The following ZNF562 variants were observed in gnomAD, a reference collection of about 807,000 sequenced individuals.
ZNF562 encodes zinc finger protein 562.
A neutral mutation model predicts 17.5 loss-of-function variants in ZNF562; 13 were observed. The ratio of observed to expected loss-of-function variants is 0.74; its 90% CI spans 0.48 to 1.18. ZNF562 has a LOEUF of 1.18. Among genes scored for constraint, ZNF562 ranks in the 50% most tolerant of loss-of-function variants. The pLI is 0.00. For missense variants in ZNF562, 481 were observed against 498.5 expected (o/e 0.96, Z 0.33); for synonymous variants, 163 against 165.4 (o/e 0.99, Z 0.11).
chr19:9,662,561 CAA>C (rs924820513), intron 1 of ZNF562, among the ~76,000 whole-genome samples: 9 of 116,950 alleles, frequency 7.7e-5, no homozygotes, highest in Non-Finnish European at 7.3e-5. Flanking sequence ...GACTCCATCT[CAA>C]AAAAAAAAAA....
intron 2 of ZNF562, 46 bp downstream of exon 2, chr19:9,660,674 C>A: frequency 6.2e-7 from 1 of 1,601,086 alleles, no homozygotes; most frequent in Non-Finnish European, 8.5e-7. Flanking sequence ...TTGTGGAGGG[C>A]GACCTAAAGC....
rs965420743 is a variant in ZNF562 at position 9,645,699 on chromosome 19, C to G, written c.*7250G>C. On this transcript the variant is annotated 3_prime_UTR_variant, in exon 6 of 6. Transcript: ENST00000453372. ...TCAAGGAGCCTATTCTTTCTGCCAC[C>G]AGATCTGTCTAATAGCTTGTGTGAC... is the stretch of plus-strand genomic sequence containing the variant. The G allele has an allele frequency of 6.6e-6, 1 of 152,196 alleles. No individual in the cohort carries two copies. Among genetic ancestry groups the G allele is most frequent in the Non-Finnish European group, 1.5e-5 (1 of 68,042 alleles). 9.4% of individuals were successfully genotyped at this position (152,196 alleles called of 1,614,324 possible).
intron 1 of ZNF562, among the ~76,000 whole-genome samples, chr19:9,667,867 T>A (rs2044011562): frequency 6.6e-6 from 1 of 152,090 alleles, no homozygotes; most frequent in African/African-American, 2.4e-5. Context: ...AGTGCTGGGA[T>A]TACAGGCATG....
intron 3 of ZNF562, among the ~76,000 whole-genome samples, chr19:9,658,768 TTATCTATCTAGCATC>T (rs1237649611): frequency 8.5e-5 from 13 of 152,188 alleles, no homozygotes; most frequent in Non-Finnish European, 1.5e-5. Context: ...ACATTAATTT[TTATCTATCTAGCATC>T]TATCTATCTA....
At position 9,642,486 on chromosome 19, in the gene ZNF562, A is replaced by C. The variant is rs2074778794; in HGVS notation, c.*10463T>G. The C allele has an allele frequency of 6.6e-6, 1 of 151,990 alleles. No individual in the cohort carries two copies. Among genetic ancestry groups the C allele is most frequent in the African/African-American group, 2.4e-5 (1 of 41,368 alleles). The allele number at this position is 151,990 out of a possible 1,614,324, so 9.4% of individuals were successfully genotyped here. On this transcript the variant is annotated 3_prime_UTR_variant, in exon 6 of 6. Coordinates refer to ENST00000453372, the MANE Select transcript of ZNF562 (RefSeq NM_001130031.2). ...GAGAAGAGATCTCTCTATGTTGCCT[A>C]GGCTGCCCTCAAACTCCTGAGCTCA...
At chr19:9,662,990 A>G (rs1327373859) in intron 1 of ZNF562, among the ~76,000 whole-genome samples, 1 of 151,698 alleles carries the variant, frequency 6.6e-6, no homozygotes, top group African/African-American at 2.4e-5. Flanking sequence ...GATGTGAGCC[A>G]CTGCGCCTGG....
At chr19:9,661,839 C>G (rs756695812) in intron 1 of ZNF562, among the ~76,000 whole-genome samples, 1 of 152,126 alleles carries the variant, frequency 6.6e-6, no homozygotes, top group Non-Finnish European at 1.5e-5. Flanking sequence ...GGGGTTTCAT[C>G]ATATTGGCCA....
At chr19:9,667,891 A>C (rs1330351636) in intron 1 of ZNF562, among the ~76,000 whole-genome samples, 1 of 152,120 alleles carries the variant, frequency 6.6e-6, no homozygotes, top group African/African-American at 2.4e-5. Context: ...CACCATGCTC[A>C]GCTGACATAA....
chr19:9,664,925 TA>T (rs1393326683), intron 1 of ZNF562, among the ~76,000 whole-genome samples: 1 of 151,984 alleles, frequency 6.6e-6, no homozygotes, highest in Non-Finnish European at 1.5e-5. Context: ...ACATGTGCTT[TA>T]AAAAACAGCT....
At chr19:9,672,650 T>C (rs993584921) in intron 1 of ZNF562, among the ~76,000 whole-genome samples, 11 of 152,140 alleles carry the variant, frequency 7.2e-5, no homozygotes, top group Non-Finnish European at 1.5e-4. Context: ...TAAATAATTC[T>C]AGTGTCAGTG....
At position 9,650,954 on chromosome 19, in the gene ZNF562, CAAAAAAAAAAAAAAAAA is replaced by C. The variant is rs74178208; in HGVS notation, c.*1978_*1994del. The C allele has an allele frequency of 2.2e-5, 1 of 46,284 alleles. No individual in the cohort carries two copies. The highest frequency in any genetic ancestry group is 4.5e-5 in the Non-Finnish European group (1 of 22,090). 2.9% of individuals were successfully genotyped at this position (46,284 alleles called of 1,614,324 possible). ...GGGCAACAAGAGCAAAACTCCATCT[CAAAAAAAAAAAAAAAAA>C]AAAAAAAAAAATCCTGTGTTTTTAA... On this transcript the variant is annotated 3_prime_UTR_variant, in exon 6 of 6. Coordinates refer to ENST00000453372, the MANE Select transcript of ZNF562 (RefSeq NM_001130031.2).
rs370682420 is a variant in ZNF562, at chr19:9,653,441, C to T, written c.789G>A (p.Lys263=). Residue 263 remains lysine (K), a synonymous_variant, in exon 6 of 6, where the codon AAG becomes AAA. Transcript: ENST00000453372. ...AATTAGTGAAGGATTTCCCACAGTT[C>T]TTAGTCTTTTCGGATTTCTTTCCAG... The part of the protein sequence containing the change: ...VHTGKKSEKT[K]NCGKSFTNFS... 1 of 1,614,022 alleles carries T rather than the reference C, an allele frequency of 6.2e-7. No homozygotes were observed. The highest frequency in any genetic ancestry group is 1.3e-5 in the African/African-American group (1 of 74,934).
At chr19:9,663,248 C>CAA (rs59452070) in intron 1 of ZNF562, among the ~76,000 whole-genome samples, 5 of 129,958 alleles carry the variant, frequency 3.8e-5, no homozygotes, top group East Asian at 2.3e-4. Flanking sequence ...ACTAAAAATA[C>CAA]AAAAAAAAAA....
At chr19:9,669,203 C>T (rs2044055424) in intron 1 of ZNF562, among the ~76,000 whole-genome samples, 1 of 152,040 alleles carries the variant, frequency 6.6e-6, no homozygotes, top group Admixed American at 6.6e-5. Flanking sequence ...AAAATATTTA[C>T]AAACTATCCA....
chr19:9,669,730 GCGCGCACACACACA>G (rs1197026334), intron 1 of ZNF562, among the ~76,000 whole-genome samples: 12 of 86,944 alleles, frequency 1.4e-4, no homozygotes, highest in African/African-American at 3.2e-4. Context: ...GCGCGCGCGC[GCGCGCACACACACA>G]CACACACACA....
intron 2 of ZNF562, among the ~76,000 whole-genome samples, chr19:9,659,804 C>T (rs2043653171): frequency 1.3e-5 from 2 of 151,420 alleles, no homozygotes; most frequent in Admixed American, 1.3e-4. Context: ...TCTAAAACAG[C>T]ATTCTGACTG....
chr19:9,657,318 C>A (rs1224888212), intron 4 of ZNF562, among the ~76,000 whole-genome samples: 2 of 148,108 alleles, frequency 1.4e-5, no homozygotes, highest in Admixed American at 6.8e-5. Flanking sequence ...GGCAAGAACC[C>A]GGGAGGCAGA....
intron 1 of ZNF562, among the ~76,000 whole-genome samples, chr19:9,669,728 GCGCGCGCACACACACACACACACACA>G (rs1568281870): frequency 3.5e-5 from 3 of 84,808 alleles, no homozygotes; most frequent in African/African-American, 1.4e-4. Flanking sequence ...GCGCGCGCGC[GCGCGCGCACACACACACACACACACA>G]CACACACACA....
chr19:9,663,643 G>A lies in ZNF562; in HGVS notation c.-130-2769C>T, dbSNP rs556086368. On this transcript the variant is annotated intron_variant, in intron 1 of 5. Transcript: ENST00000453372. ...CGCCCAGGCTAGACTGCAGTAGCAC[G>A]ATTGCCACCACTGTAGCTATTGTTC... Among the ~76,000 whole-genome samples the A allele has an allele frequency of 2.0e-5, 3 of 151,954 alleles. No individual in the cohort carries two copies. The East Asian group carries it at 5.8e-4, about 29-fold the overall frequency.
Sources: allele counts gnomAD v4.1 joint callset (sites outside exome capture counted in the v4.1 genomes callset), GRCh38; gene constraint gnomAD v4.1.1; transcripts MANE v1.5; gene names NCBI Gene and HGNC (gene_info 2026-07-23, HGNC 2026-07-21).